Variants in NUCB2 observed in about 807,000 individuals in gnomAD.
The protein encoded by NUCB2 is nucleobindin 2.
NUCB2 carries 48 observed loss-of-function variants against 57.9 expected under a neutral mutation model. The observed-to-expected ratio is 0.83, with a 90% confidence interval of 0.66 to 1.05. The LOEUF (loss-of-function observed/expected upper bound fraction) is 1.05. Among genes scored for constraint, NUCB2 ranks in the 50% least tolerant of loss-of-function variants. The probability of loss-of-function intolerance (pLI) is 0.00; values close to 1 mark genes in which losing one functional copy is unlikely to be tolerated. For missense variants in NUCB2, 442 were observed against 476.2 expected (o/e 0.93, Z 0.67); for synonymous variants, 139 against 152.1 (o/e 0.91, Z 0.64).
At chr11:17,300,019 G>T (rs1173365313) in intron 4 of NUCB2, among the ~76,000 whole-genome samples, 17 of 150,436 alleles carry the variant, frequency 1.1e-4, no homozygotes, top group East Asian at 7.8e-4. Context: ...TTTTTGTTTT[G>T]TTTTTTTTTG....
chr11:17,279,611 C>T (rs1285823397), intron 1 of NUCB2, among the ~76,000 whole-genome samples: 1 of 152,004 alleles, frequency 6.6e-6, no homozygotes, highest in Non-Finnish European at 1.5e-5. Flanking sequence ...TTCAAAATAT[C>T]TTGTTTTACC....
intron 7 of NUCB2, 67 bp downstream of exon 7, chr11:17,311,077 TTG>T: frequency 2.8e-6 from 4 of 1,439,072 alleles, no homozygotes; most frequent in Middle Eastern, 1.8e-4. Flanking sequence ...CGGATTTTTA[TTG>T]TGTTATTAGT....
intron 1 of NUCB2, among the ~76,000 whole-genome samples, chr11:17,280,446 C>T (rs917208885): frequency 3.3e-5 from 5 of 152,266 alleles, no homozygotes; most frequent in East Asian, 1.9e-4. Context: ...TGGAGGTGAG[C>T]ACCAGGTTAT....
At chr11:17,335,343 CT>C (rs1178711050), downstream of NUCB2, among the ~76,000 whole-genome samples, 1 of 151,900 alleles carries the variant, frequency 6.6e-6, no homozygotes, top group Non-Finnish European at 1.5e-5. Flanking sequence ...TCTTGAAATG[CT>C]TTTTTGGCTC....
intron 2 of NUCB2, among the ~76,000 whole-genome samples, chr11:17,344,401 T>C (rs117798755): frequency 0.013 from 1,984 of 152,358 alleles, 20 homozygotes; most frequent in Non-Finnish European, 0.021. Context: ...TCACTACTTT[T>C]GCCTGGATGA....
intron 6 of NUCB2, among the ~76,000 whole-genome samples, chr11:17,310,514 G>A (rs553902935): frequency 6.6e-6 from 1 of 152,120 alleles, no homozygotes; most frequent in South Asian, 2.1e-4. Context: ...GTGAGCGCCT[G>A]TAATCCCAGC....
intron 11 of NUCB2, among the ~76,000 whole-genome samples, chr11:17,316,762 CTT>C (rs1404686419): frequency 6.6e-6 from 1 of 152,108 alleles, no homozygotes; most frequent in African/African-American, 2.4e-5. Context: ...AGAACATAGT[CTT>C]TTTCTACATA....
chr11:17,336,554 A>G (rs2139558687), downstream of NUCB2, among the ~76,000 whole-genome samples: 1 of 151,726 alleles, frequency 6.6e-6, no homozygotes, highest in Non-Finnish European at 1.5e-5. Flanking sequence ...GGAGATCGAG[A>G]CCATCCTGGC....
At chr11:17,288,620 C>T (rs1944246023) in intron 2 of NUCB2, among the ~76,000 whole-genome samples, 1 of 141,564 alleles carries the variant, frequency 7.1e-6, no homozygotes, top group African/African-American at 2.7e-5. Flanking sequence ...ACAATCTTGG[C>T]TCACTGCAAC....
At position 17,330,774 on chromosome 11, in the gene NUCB2, T is replaced by C. The variant is rs1951295500; in HGVS notation, c.1174-128T>C. On this transcript the variant is annotated intron_variant, in intron 12 of 13. Transcript: ENST00000529010. This position sits in a 1 kb window ranked among gnomAD's most constrained non-coding sequence, Gnocchi z 4.3. Reference sequence around the variant, plus strand: ...GTGAGCCACTGCACCTAGTCAAATCTAAATCTTATAGTTTGAATATCTTTG... The same window carrying C: ...GTGAGCCACTGCACCTAGTCAAATCCAAATCTTATAGTTTGAATATCTTTG... 6 of 710,334 alleles carry C rather than the reference T, an allele frequency of 8.4e-6. No homozygotes were observed. Among genetic ancestry groups the C allele is most frequent in the Non-Finnish European group, 1.2e-5 (5 of 400,062 alleles). 44.0% of individuals were successfully genotyped at this position (710,334 alleles called of 1,614,324 possible).
intron 11 of NUCB2, among the ~76,000 whole-genome samples, chr11:17,320,266 C>T (rs1364544694): frequency 6.6e-6 from 1 of 152,172 alleles, no homozygotes; most frequent in Non-Finnish European, 1.5e-5. Flanking sequence ...AACCTAACTC[C>T]CTTTTCCTTA....
At chr11:17,278,170 C>CTTTTTTTT (rs35441492) in intron 1 of NUCB2, among the ~76,000 whole-genome samples, 6 of 85,146 alleles carry the variant, frequency 7.0e-5, no homozygotes, top group Admixed American at 1.6e-4. Flanking sequence ...TTTTACCCAT[C>CTTTTTTTT]TTTTTTTTTT....
intron 5 of NUCB2, among the ~76,000 whole-genome samples, chr11:17,302,103 C>G (rs754072803): frequency 6.6e-6 from 1 of 151,864 alleles, no homozygotes; most frequent in Non-Finnish European, 1.5e-5. Context: ...TGCTGTGTTG[C>G]CCAAGCTGGT....
At chr11:17,298,231 T>A (rs956758261) in intron 4 of NUCB2, among the ~76,000 whole-genome samples, 1 of 151,772 alleles carries the variant, frequency 6.6e-6, no homozygotes, top group Non-Finnish European at 1.5e-5. Flanking sequence ...AATTAAAATT[T>A]AAAATTAATT....
At chr11:17,324,027 A>G (rs1301448475) in intron 11 of NUCB2, among the ~76,000 whole-genome samples, 1 of 152,016 alleles carries the variant, frequency 6.6e-6, no homozygotes, top group South Asian at 2.1e-4. Flanking sequence ...TTTTTGTTTC[A>G]TTGATCTTTT....
At chr11:17,287,599 G>C (rs1943983592) in intron 2 of NUCB2, among the ~76,000 whole-genome samples, 1 of 150,526 alleles carries the variant, frequency 6.6e-6, no homozygotes. Context: ...CTTGAACCTG[G>C]GAAGTGAAGG....
chr11:17,322,892 C>G (rs1950199302), intron 11 of NUCB2, among the ~76,000 whole-genome samples: 1 of 151,500 alleles, frequency 6.6e-6, no homozygotes, highest in Non-Finnish European at 1.5e-5. Context: ...TTATTGTTGG[C>G]ATATAGAAAT....
chr11:17,283,717 A>C (rs930778429), intron 2 of NUCB2, among the ~76,000 whole-genome samples: 1 of 152,258 alleles, frequency 6.6e-6, no homozygotes, highest in Non-Finnish European at 1.5e-5. Flanking sequence ...TGTTAAAAAG[A>C]GCTAACATTT....
At chr11:17,311,955 G>A (rs1948544795) in intron 9 of NUCB2, 25 bp downstream of exon 9, 1 of 1,551,982 alleles carries the variant, frequency 6.4e-7, no homozygotes, top group Admixed American at 1.9e-5. Context: ...TAAGTATTCA[G>A]TGTTCTTGTT....
Sources: gnomAD v4.1 joint callset for allele counts (sites outside exome capture counted in the v4.1 genomes callset) on GRCh38, gnomAD v4.1.1 for gene constraint, Gnocchi (gnomAD v3.1) non-coding constraint, MANE v1.5 for transcripts, NCBI Gene and HGNC (gene_info 2026-07-23, HGNC 2026-07-21) for gene names.